ABCD3: variants seen among roughly 807,000 people sequenced by gnomAD.
ABCD3 encodes ATP binding cassette subfamily D member 3.
In ABCD3, 41 loss-of-function variants were observed where a neutral mutation model predicts 105.5. The ratio of observed to expected loss-of-function variants is 0.39; its 90% CI spans 0.30 to 0.50. The LOEUF (loss-of-function observed/expected upper bound fraction) is 0.50. Among genes scored for constraint, ABCD3 ranks in the 20% least tolerant of loss-of-function variants. The probability of loss-of-function intolerance (pLI) is 0.84; values close to 1 mark genes in which losing one functional copy is unlikely to be tolerated. For synonymous variants in ABCD3, 258 were observed against 269.0 expected, an observed-to-expected ratio of 0.96 and a Z score of 0.40; for missense variants, 622 against 806.3, an observed-to-expected ratio of 0.77 and a Z score of 2.77.
chr1:94,427,310 G>C (rs1659506054), intron 1 of ABCD3, among the ~76,000 whole-genome samples: 1 of 152,178 alleles, frequency 6.6e-6, no homozygotes, highest in Non-Finnish European at 1.5e-5. Flanking sequence ...CAGAAACCCT[G>C]ATTTTGTTTA....
intron 2 of ABCD3, among the ~76,000 whole-genome samples, chr1:94,462,479 A>G (rs956419621): frequency 1.3e-5 from 2 of 152,186 alleles, no homozygotes; most frequent in South Asian, 2.1e-4. Flanking sequence ...AAACAATGAT[A>G]ATTTGGAAGA....
At chr1:94,436,719 CT>C (rs1298187012) in intron 1 of ABCD3, among the ~76,000 whole-genome samples, 1 of 152,150 alleles carries the variant, frequency 6.6e-6, no homozygotes, top group Non-Finnish European at 1.5e-5. Context: ...TTTATCATAT[CT>C]GTTATGATGA....
At chr1:94,426,109 G>C (rs974534496) in intron 1 of ABCD3, among the ~76,000 whole-genome samples, 3 of 152,200 alleles carry the variant, frequency 2.0e-5, no homozygotes, top group African/African-American at 7.2e-5. Flanking sequence ...ACCTTTGTTA[G>C]CTTCTTAAAA....
chr1:94,398,702 G>A, the ABCD3 span, among the ~76,000 whole-genome samples: 29 of 152,240 alleles, frequency 1.9e-4, no homozygotes, highest in Admixed American at 4.6e-4. Context: ...TCATGAGGTC[G>A]GGAGTTAGAG....
At chr1:94,402,869 T>C in the ABCD3 span, among the ~76,000 whole-genome samples, 1 of 151,974 alleles carries the variant, frequency 6.6e-6, no homozygotes, top group Non-Finnish European at 1.5e-5. Flanking sequence ...TAGTTACATA[T>C]GTATACGTGT....
the ABCD3 span, among the ~76,000 whole-genome samples, chr1:94,386,629 T>C: frequency 1.3e-4 from 20 of 152,252 alleles, no homozygotes; most frequent in Admixed American, 6.5e-4. Context: ...GTAGGATTAG[T>C]ATAATAACTT....
chr1:94,448,297 A>T (rs1660435366), intron 1 of ABCD3, among the ~76,000 whole-genome samples: 3 of 152,236 alleles, frequency 2.0e-5, no homozygotes, highest in Admixed American at 2.0e-4. Context: ...AAGCTTTTAT[A>T]AATAGTCTTA....
rs186873803 is a variant in ABCD3 at position 94,472,993 on chromosome 1, T to A, written c.336-773T>A. On this transcript the variant is annotated intron_variant, in intron 4 of 22. Coordinates refer to ENST00000370214, the MANE Select transcript of ABCD3 (RefSeq NM_002858.4). ...TTTAATAAAGTTTTAGAACCCTTTT[T>A]AAAAATTTTTAATGTATATTTTAAA... Among the ~76,000 whole-genome samples the A allele has an allele frequency of 5.8e-3, 876 of 152,290 alleles. 9 individuals are homozygous for A. The highest frequency in any genetic ancestry group is 0.02 in the African/African-American group (812 of 41,560).
At chr1:94,443,441 T>C (rs1422333801) in intron 1 of ABCD3, among the ~76,000 whole-genome samples, 3 of 152,216 alleles carry the variant, frequency 2.0e-5, no homozygotes, top group East Asian at 3.8e-4. Flanking sequence ...TGTTCCTTTG[T>C]TGTGTAGAAG....
chr1:94,464,653 GT>G, intron 2 of ABCD3, 121 bp from the exon 3 acceptor site: 1 of 845,730 alleles, frequency 1.2e-6, no homozygotes. Flanking sequence ...GCAAGTCTGT[GT>G]TTTGTAAATT....
chr1:94,436,225 A>C (rs1398601620), intron 1 of ABCD3, among the ~76,000 whole-genome samples: 1 of 152,232 alleles, frequency 6.6e-6, no homozygotes, highest in Admixed American at 6.5e-5. Flanking sequence ...TCCAATCCAC[A>C]TACAAGATTT....
intron 15 of ABCD3, 104 bp downstream of exon 15, chr1:94,490,079 CT>C: frequency 8.8e-7 from 1 of 1,142,822 alleles, no homozygotes; most frequent in Non-Finnish European, 1.3e-6. Context: ...ATTATTTCTG[CT>C]TTTTTAAAAA....
At chr1:94,474,684 T>C (rs1422170086) in intron 5 of ABCD3, among the ~76,000 whole-genome samples, 2 of 151,300 alleles carry the variant, frequency 1.3e-5, no homozygotes, top group Middle Eastern at 3.2e-3. Flanking sequence ...GCTCTAGAAA[T>C]AATCTGGAAA....
intron 16 of ABCD3, among the ~76,000 whole-genome samples, chr1:94,492,555 A>G (rs1040555877): frequency 2.0e-4 from 31 of 152,304 alleles, no homozygotes; most frequent in African/African-American, 7.5e-4. Flanking sequence ...CTGGCTCCAC[A>G]TATCACAGAA....
At chr1:94,463,571 T>A (rs1647984852) in intron 2 of ABCD3, among the ~76,000 whole-genome samples, 1 of 152,226 alleles carries the variant, frequency 6.6e-6, no homozygotes, top group Non-Finnish European at 1.5e-5. Flanking sequence ...GCTGTGATAA[T>A]GGAGTTGGGG....
intron 2 of ABCD3, among the ~76,000 whole-genome samples, chr1:94,459,986 TTA>T (rs1252552985): frequency 6.6e-6 from 1 of 152,198 alleles, no homozygotes. Context: ...ATATACCACA[TTA>T]TGTTTATCAG....
chr1:94,465,368 A>G (rs1490159584), intron 3 of ABCD3, among the ~76,000 whole-genome samples: 2 of 152,190 alleles, frequency 1.3e-5, no homozygotes, highest in Non-Finnish European at 2.9e-5. Context: ...TATAGGTCAA[A>G]TGTTTTCTCT....
chr1:94,484,634 T>G (rs529188535), intron 10 of ABCD3, among the ~76,000 whole-genome samples: 1 of 152,092 alleles, frequency 6.6e-6, no homozygotes, highest in Admixed American at 6.5e-5. Flanking sequence ...CGGGGCCTGT[T>G]GTGGGGTGGG....
intron 1 of ABCD3, among the ~76,000 whole-genome samples, chr1:94,451,131 A>C (rs756126614): frequency 6.6e-6 from 1 of 152,056 alleles, no homozygotes; most frequent in Non-Finnish European, 1.5e-5. Flanking sequence ...GTAGGTATCT[A>C]CTTCTTGGTA....
Sources: allele counts gnomAD v4.1 joint callset (sites outside exome capture counted in the v4.1 genomes callset), GRCh38; gene constraint gnomAD v4.1.1; transcripts MANE v1.5; gene names NCBI Gene and HGNC (gene_info 2026-07-23, HGNC 2026-07-21).